The following FNDC3B variants were observed in gnomAD, a reference collection of about 807,000 sequenced individuals.
The protein encoded by FNDC3B is fibronectin type III domain containing 3B.
FNDC3B carries 12 observed loss-of-function variants against 151.5 expected under a neutral mutation model. The observed-to-expected ratio is 0.08, with a 90% CI of 0.05 to 0.13. The LOEUF (loss-of-function observed/expected upper bound fraction) is 0.13. FNDC3B is among the 10% of genes least tolerant of loss of function. FNDC3B has a pLI of 1.00. For missense variants in FNDC3B, 1,214 were observed against 1,505.3 expected, an observed-to-expected ratio of 0.81 and a Z score of 3.20; for synonymous variants, 528 against 549.0, an observed-to-expected ratio of 0.96 and a Z score of 0.54.
chr3:172,094,761 T>A (rs1465488988), intron 1 of FNDC3B, among the ~76,000 whole-genome samples: 1 of 151,548 alleles, frequency 6.6e-6, no homozygotes, highest in East Asian at 2.0e-4. Flanking sequence ...AAGTCCTCTG[T>A]TCCCCATCTC....
chr3:172,112,043 G>A (rs1254606915), intron 1 of FNDC3B, among the ~76,000 whole-genome samples: 1 of 152,206 alleles, frequency 6.6e-6, no homozygotes, highest in Non-Finnish European at 1.5e-5. Context: ...TCCTTCTATT[G>A]TATTGCAAAG....
chr3:172,190,175 A>C (rs1200110650), intron 3 of FNDC3B, among the ~76,000 whole-genome samples: 1 of 152,090 alleles, frequency 6.6e-6, no homozygotes, highest in Non-Finnish European at 1.5e-5. Flanking sequence ...CTGACCCTTT[A>C]TAAAGGTGCT....
At chr3:172,114,259 G>A (rs2108543208) in intron 2 of FNDC3B, among the ~76,000 whole-genome samples, 1 of 152,182 alleles carries the variant, frequency 6.6e-6, no homozygotes, top group East Asian at 1.9e-4. Flanking sequence ...GTTGCAGAGT[G>A]TTGTGGATGG....
chr3:172,289,477 C>T (rs1297891775), intron 7 of FNDC3B, among the ~76,000 whole-genome samples: 1 of 152,194 alleles, frequency 6.6e-6, no homozygotes, highest in East Asian at 1.9e-4. Flanking sequence ...TACCACACTC[C>T]CCTTCTGATC....
At chr3:172,158,120 C>T (rs1452022566) in intron 3 of FNDC3B, among the ~76,000 whole-genome samples, 1 of 152,196 alleles carries the variant, frequency 6.6e-6, no homozygotes, top group Non-Finnish European at 1.5e-5. Flanking sequence ...GTCTCCAGAA[C>T]CATGAGCAAT....
intron 3 of FNDC3B, among the ~76,000 whole-genome samples, chr3:172,179,048 C>CTTAT (rs1019260971): frequency 6.6e-6 from 1 of 152,008 alleles, no homozygotes; most frequent in Non-Finnish European, 1.5e-5. Context: ...GCCCCTTTAT[C>CTTAT]TTATTTATTT....
At chr3:172,346,704 T>C (rs12490258) in intron 20 of FNDC3B, among the ~76,000 whole-genome samples, 92,615 of 151,852 alleles carry the variant, frequency 0.61, 28,841 homozygotes, top group Non-Finnish European at 0.66. Context: ...TTTATTTTAC[T>C]TATTTTATTT....
intron 23 of FNDC3B, among the ~76,000 whole-genome samples, chr3:172,363,074 C>CT (rs1039107985): frequency 4.6e-5 from 7 of 151,770 alleles, no homozygotes; most frequent in South Asian, 2.1e-4. Context: ...ATAATATGCA[C>CT]TTTTTTTTCC....
chr3:172,260,632 T>C (rs897810855), intron 6 of FNDC3B, among the ~76,000 whole-genome samples: 2 of 152,186 alleles, frequency 1.3e-5, no homozygotes, highest in Admixed American at 1.3e-4. Context: ...CAGAATGCTG[T>C]TGGGCAAGGC....
At position 172,085,668 on chromosome 3, in the gene FNDC3B, C is replaced by A. The variant is rs1336343563; in HGVS notation, c.-28-26784C>A. Among the ~76,000 whole-genome samples the A allele has an allele frequency of 3.3e-5, 5 of 152,294 alleles. No homozygotes were observed. The South Asian group carries it at 8.3e-4, about 25-fold the overall frequency. On this transcript the variant is annotated intron_variant, in intron 1 of 25. Coordinates refer to ENST00000415807, the MANE Select transcript of FNDC3B (RefSeq NM_022763.4). ...AGCCCCTTGATGTGTTTATCTAAGACCTCTGCTTCTTTGAGGTCTAGACTT... is the reference window on the plus strand; with the variant it reads ...AGCCCCTTGATGTGTTTATCTAAGAACTCTGCTTCTTTGAGGTCTAGACTT...
intron 3 of FNDC3B, among the ~76,000 whole-genome samples, chr3:172,147,033 C>T (rs533782895): frequency 7.9e-5 from 12 of 152,238 alleles, no homozygotes; most frequent in East Asian, 7.7e-4. Context: ...GAAGGCCAGG[C>T]GTGGTGCCTC....
At chr3:172,129,071 C>T (rs1007547322) in intron 2 of FNDC3B, among the ~76,000 whole-genome samples, 8 of 152,264 alleles carry the variant, frequency 5.3e-5, no homozygotes, top group South Asian at 2.1e-4. Flanking sequence ...TGGGCTCACG[C>T]GATCCTCCTG....
In FNDC3B at chr3:172,250,568, G is replaced by A. The variant is rs376156241; in HGVS notation, c.509-692G>A. Among the ~76,000 whole-genome samples the A allele has an allele frequency of 3.2e-4, 49 of 152,254 alleles. 1 individual carries two copies. The highest frequency in any genetic ancestry group is 1.2e-3 in the African/African-American group (48 of 41,546). On this transcript the variant is annotated intron_variant, in intron 5 of 25. Coordinates refer to ENST00000415807, the MANE Select transcript of FNDC3B (RefSeq NM_022763.4). ...GATTCTAAGTACATGTTTAATAGGGGTATTTTATTTGTTCTGACTTTTTCA... is the reference window on the plus strand; with the variant it reads ...GATTCTAAGTACATGTTTAATAGGGATATTTTATTTGTTCTGACTTTTTCA...
intron 10 of FNDC3B, among the ~76,000 whole-genome samples, chr3:172,310,222 G>C (rs528391204): frequency 6.6e-6 from 1 of 152,168 alleles, no homozygotes; most frequent in Non-Finnish European, 1.5e-5. Context: ...CAGTGAAGCA[G>C]ATCTCAGCAT....
chr3:172,395,866 G>A (rs986859865), intron 25 of FNDC3B, among the ~76,000 whole-genome samples: 3 of 152,302 alleles, frequency 2.0e-5, no homozygotes, highest in South Asian at 2.1e-4. Flanking sequence ...AAATGCAGTC[G>A]TGGTACCATT....
At chr3:172,176,294 C>G (rs907173306) in intron 3 of FNDC3B, among the ~76,000 whole-genome samples, 1 of 152,132 alleles carries the variant, frequency 6.6e-6, no homozygotes, top group Admixed American at 6.6e-5. Flanking sequence ...AGAAGTGGAG[C>G]TAAGAGAGAC....
intron 3 of FNDC3B, among the ~76,000 whole-genome samples, chr3:172,188,469 G>A (rs1227396252): frequency 4.6e-5 from 7 of 151,692 alleles, no homozygotes; most frequent in Admixed American, 2.6e-4. Context: ...GTAGCGACGC[G>A]ATCTTGGCTC....
At chr3:172,298,641 G>A in intron 8 of FNDC3B, 87 bp from the exon 9 acceptor site, 1 of 699,542 alleles carries the variant, frequency 1.4e-6, no homozygotes, top group Non-Finnish European at 2.4e-6. Flanking sequence ...ATGAATTATT[G>A]TCAGTACATT....
intron 16 of FNDC3B, 101 bp from the exon 17 acceptor site, chr3:172,341,012 G>A (rs538798469): frequency 6.4e-6 from 5 of 780,422 alleles, no homozygotes; most frequent in South Asian, 5.9e-5. Flanking sequence ...AAAAGAAGAT[G>A]TTGGTTTTCA....
Sources: gnomAD v4.1 joint callset for allele counts (sites outside exome capture counted in the v4.1 genomes callset) on GRCh38, gnomAD v4.1.1 for gene constraint, MANE v1.5 for transcripts, NCBI Gene and HGNC (gene_info 2026-07-23, HGNC 2026-07-21) for gene names.